Variants in ERC1 observed in about 807,000 individuals in gnomAD.
ERC1 encodes ELKS/RAB6-interacting/CAST family member 1.
Under a neutral mutation model 132.0 loss-of-function variants are expected in ERC1, and 56 were observed. The observed-to-expected ratio is 0.42, with a 90% CI of 0.34 to 0.53. ERC1 has a LOEUF of 0.53. ERC1 is among the 20% of genes least tolerant of loss of function. The pLI is 0.03. For synonymous variants in ERC1, 478 were observed against 476.1 expected, an observed-to-expected ratio of 1.00 and a Z score of -0.05; for missense variants, 1,202 against 1,349.9, an observed-to-expected ratio of 0.89 and a Z score of 1.72.
At chr12:1,222,754 A>T (rs1959107843) in intron 12 of ERC1, among the ~76,000 whole-genome samples, 1 of 152,222 alleles carries the variant, frequency 6.6e-6, no homozygotes, top group Non-Finnish European at 1.5e-5. Context: ...ATGGTATAGT[A>T]ACGTATAACA....
intron 17 of ERC1, among the ~76,000 whole-genome samples, chr12:1,443,135 A>G (rs1459458507): frequency 2.0e-5 from 3 of 152,016 alleles, no homozygotes; most frequent in East Asian, 1.9e-4. Context: ...TCCTGATCTC[A>G]TGATCTGCCC....
intron 15 of ERC1, among the ~76,000 whole-genome samples, chr12:1,351,477 T>A (rs1057346246): frequency 2.0e-5 from 3 of 151,526 alleles, no homozygotes; most frequent in African/African-American, 7.3e-5. Flanking sequence ...TCTGGTAGTG[T>A]GTGTTCTGGA....
At chr12:1,016,146 G>A (rs1002596597) in intron 1 of ERC1, among the ~76,000 whole-genome samples, 5 of 151,810 alleles carry the variant, frequency 3.3e-5, no homozygotes, top group African/African-American at 1.2e-4. Flanking sequence ...TAGCTAATGG[G>A]TGGTATATTA....
intron 2 of ERC1, among the ~76,000 whole-genome samples, chr12:1,058,051 AGTT>A (rs957433377): frequency 1.7e-4 from 25 of 150,344 alleles, no homozygotes; most frequent in African/African-American, 5.1e-4. Flanking sequence ...TTTGCTGTTG[AGTT>A]GTTTGAATTC....
At chr12:1,288,223 T>A (rs1371270158) in intron 14 of ERC1, among the ~76,000 whole-genome samples, 1 of 152,236 alleles carries the variant, frequency 6.6e-6, no homozygotes, top group Non-Finnish European at 1.5e-5. Context: ...ATGTAAAGCT[T>A]GCAGATATGC....
intron 5 of ERC1, among the ~76,000 whole-genome samples, chr12:1,111,738 G>T (rs1022313837): frequency 6.6e-6 from 1 of 151,586 alleles, no homozygotes; most frequent in African/African-American, 2.4e-5. Context: ...CTGCTGAGTA[G>T]CTGGGATTAC....
intron 13 of ERC1, among the ~76,000 whole-genome samples, chr12:1,249,367 A>T (rs7307241): frequency 0.011 from 1,664 of 152,286 alleles, 31 homozygotes; most frequent in African/African-American, 0.038. Context: ...ATTGGGGATT[A>T]AAAAAAGCTT....
At position 1,444,741 on chromosome 12, in the gene ERC1, C is replaced by T. The variant is rs141961152; in HGVS notation, c.3204C>T (p.Thr1068=). 1.7e-5 allele frequency: 28 copies of T among 1,613,362 alleles called. No individual in the cohort carries two copies. The African/African-American group carries it at 2.9e-4, about 17-fold the overall frequency. ...AAWENELQKM[T]RGQLQDELEK... is the part of the protein sequence containing the mutation. ...GGGAGAATGAGCTGCAGAAGATGAC[C>T]CGGGGGCAGGTGAGCCTCTCACTCA... The change falls in exon 18 of 19, where the codon ACC becomes ACT. Residue 1068 remains threonine, a synonymous_variant. Coordinates refer to ENST00000360905, the MANE Select transcript of ERC1 (RefSeq NM_178040.4).
chr12:1,296,815 G>T (rs114283693), intron 15 of ERC1, among the ~76,000 whole-genome samples: 1,649 of 152,222 alleles, frequency 0.011, 31 homozygotes, highest in African/African-American at 0.037. Context: ...GATTTTTACC[G>T]AATGAACAGA....
chr12:1,484,819 A>G (rs2094175747), intron 18 of ERC1, among the ~76,000 whole-genome samples: 1 of 151,670 alleles, frequency 6.6e-6, no homozygotes, highest in Non-Finnish European at 1.5e-5. Context: ...TGACCTCGTG[A>G]TGCGCCTGCC....
intron 7 of ERC1, among the ~76,000 whole-genome samples, chr12:1,119,022 C>T (rs1946760025): frequency 6.6e-6 from 1 of 152,064 alleles, no homozygotes; most frequent in Non-Finnish European, 1.5e-5. Flanking sequence ...GACTTATAGG[C>T]ATGTGCCACC....
intron 15 of ERC1, among the ~76,000 whole-genome samples, chr12:1,366,346 G>A (rs546449085): frequency 6.6e-6 from 1 of 152,136 alleles, no homozygotes; most frequent in Non-Finnish European, 1.5e-5. Context: ...CCATGTAGAA[G>A]AATCAAAAAA....
intron 3 of ERC1, among the ~76,000 whole-genome samples, chr12:1,091,651 C>G (rs1943237800): frequency 6.6e-6 from 1 of 152,190 alleles, no homozygotes; most frequent in African/African-American, 2.4e-5. Context: ...CTTTATGATC[C>G]TTGCAGATAA....
At chr12:1,019,454 A>G (rs1966002363) in intron 1 of ERC1, among the ~76,000 whole-genome samples, 1 of 152,232 alleles carries the variant, frequency 6.6e-6, no homozygotes, top group African/African-American at 2.4e-5. Context: ...AGAATACACA[A>G]GCACACATTC....
chr12:1,119,529 G>T (rs946462864), intron 7 of ERC1, among the ~76,000 whole-genome samples: 1 of 32,972 alleles, frequency 3.0e-5, no homozygotes, highest in Non-Finnish European at 6.0e-5. Context: ...GTGTGTGTGT[G>T]TGTGTGTGTG....
At chr12:1,003,762 C>G (rs960242056) in intron 1 of ERC1, among the ~76,000 whole-genome samples, 1 of 152,182 alleles carries the variant, frequency 6.6e-6, no homozygotes, top group African/African-American at 2.4e-5. Context: ...TAGACTCAGA[C>G]AGTTTATCTG....
rs1361876792 is a variant in ERC1, at chr12:1,372,123, CTT to C, written c.2925+150_2925+151del. On this transcript the variant is annotated intron_variant, in intron 16 of 18. Transcript: ENST00000360905. ...GCTAGTTAGTTTCCATCATTAGAGA[CTT>C]TTTATCTCCGCAAATCTGTGTCTAG... 8 of 1,023,016 alleles carry C rather than the reference CTT, an allele frequency of 7.8e-6. No individual in the cohort carries two copies. In the African/African-American group the frequency reaches 8.0e-5, roughly 10 times the overall value. The allele number at this position is 1,023,016 out of a possible 1,614,324, so 63.4% of individuals were successfully genotyped here.
rs898996249 is a variant in ERC1, at chr12:1,098,809, G to A, written c.1087-5941G>A. On this transcript the variant is annotated intron_variant, in intron 3 of 18. Coordinates refer to ENST00000360905, the MANE Select transcript of ERC1 (RefSeq NM_178040.4). ...GCATTTCCGTTGTATTTTAAACCAT[G>A]TAGTAGATTAAAGAGTTTAGATGGA... is the stretch of plus-strand genomic sequence containing the variant. Among the ~76,000 whole-genome samples, 36 of 152,210 alleles carry A rather than the reference G, an allele frequency of 2.4e-4. 3 individuals carry two copies.
rs1017090070 is a variant in ERC1, at chr12:1,487,324, T to G, written c.3214-2769T>G. Among the ~76,000 whole-genome samples, 6 of 150,374 alleles carry G rather than the reference T, an allele frequency of 4.0e-5. No individual in the cohort carries two copies. In the East Asian group the frequency reaches 1.2e-3, roughly 29 times the overall value. ...TCATTCTTGACTCAGAGCATCTAGA[T>G]TCTTTCTTTTCTTTTTCTTGCCCTG... On this transcript the variant is annotated intron_variant, in intron 18 of 18. Transcript: ENST00000360905.
Sources: allele counts gnomAD v4.1 joint callset (sites outside exome capture counted in the v4.1 genomes callset), GRCh38; gene constraint gnomAD v4.1.1; transcripts MANE v1.5; gene names NCBI Gene and HGNC (gene_info 2026-07-23, HGNC 2026-07-21).